Variants in CUBN observed in about 807,000 individuals in gnomAD.
The protein encoded by CUBN is cubilin.
CUBN carries 282 observed loss-of-function variants against 405.3 expected under a neutral mutation model. The observed-to-expected ratio is 0.70, with a 90% CI of 0.63 to 0.77. The LOEUF is 0.77. CUBN is among the 30% of genes least tolerant of loss of function. The pLI, the probability that CUBN is intolerant of heterozygous loss-of-function variation, is 0.00. For synonymous variants in CUBN, 1,684 were observed against 1,617.0 expected (o/e 1.04, Z -0.99); for missense variants, 4,514 against 4,475.2 (o/e 1.01, Z -0.25).
chr10:16,883,137 T>C (rs998928221), intron 56 of CUBN, among the ~76,000 whole-genome samples: 2 of 152,110 alleles, frequency 1.3e-5, no homozygotes, highest in Non-Finnish European at 2.9e-5. Flanking sequence ...CAGAGGCACA[T>C]GAATTACCAG....
intron 28 of CUBN, among the ~76,000 whole-genome samples, chr10:16,994,776 T>C (rs1588561381): frequency 6.6e-6 from 1 of 152,110 alleles, no homozygotes; most frequent in Admixed American, 6.6e-5. Context: ...CAAAAGAAGA[T>C]AAAAGAAGAT....
intron 36 of CUBN, among the ~76,000 whole-genome samples, chr10:16,945,500 G>A (rs1020321413): frequency 2.0e-5 from 3 of 152,114 alleles, no homozygotes; most frequent in African/African-American, 7.2e-5. Flanking sequence ...AGGCACGGTG[G>A]CTCATGCCTG....
At chr10:17,019,498 C>T (rs895459068) in intron 28 of CUBN, among the ~76,000 whole-genome samples, 1 of 152,128 alleles carries the variant, frequency 6.6e-6, no homozygotes, top group Non-Finnish European at 1.5e-5. Context: ...TGAGATACTC[C>T]CACCCCAACT....
intron 32 of CUBN, among the ~76,000 whole-genome samples, chr10:16,953,067 A>G (rs772126006): frequency 3.3e-5 from 5 of 152,166 alleles, no homozygotes; most frequent in Non-Finnish European, 1.5e-5. Flanking sequence ...TAACATCTGC[A>G]GGAGCTTGAG....
chr10:17,036,413 G>A (rs1422588325), intron 27 of CUBN, among the ~76,000 whole-genome samples: 1 of 152,316 alleles, frequency 6.6e-6, no homozygotes, highest in East Asian at 1.9e-4. Flanking sequence ...TGGGAGTGGA[G>A]AATCTGCCTC....
intron 36 of CUBN, among the ~76,000 whole-genome samples, chr10:16,940,566 G>A (rs985438610): frequency 2.6e-5 from 4 of 152,240 alleles, no homozygotes; most frequent in African/African-American, 9.6e-5. Flanking sequence ...TTGCAAAGCA[G>A]AGGCATCATA....
At chr10:16,828,673 G>T (rs1221269934) in intron 66 of CUBN, 132 bp downstream of exon 66, 7 of 732,430 alleles carry the variant, frequency 9.6e-6, no homozygotes, top group African/African-American at 8.8e-5. Flanking sequence ...AGTTGAGATT[G>T]CGCGCACCAC....
At position 16,937,513 on chromosome 10, in the gene CUBN, CCT is replaced by C. The variant is rs1271078348; in HGVS notation, c.5926+77_5926+78del. The C allele has an allele frequency of 6.6e-6, 8 of 1,210,718 alleles. No homozygotes were observed. In the Admixed American group the frequency reaches 1.1e-4, roughly 17 times the overall value. 75.0% of individuals were successfully genotyped at this position (1,210,718 alleles called of 1,614,324 possible). On this transcript the variant is annotated intron_variant, in intron 39 of 66. Coordinates refer to ENST00000377833, the MANE Select transcript of CUBN (RefSeq NM_001081.4). ...GCTGTACTTATTTTTATATCTGACC[CCT>C]GTTATGATAGGATCCTTTGAAACAT... is the stretch of plus-strand genomic sequence containing the variant.
intron 28 of CUBN, among the ~76,000 whole-genome samples, chr10:17,009,036 G>A (rs1217583344): frequency 1.3e-5 from 2 of 152,162 alleles, no homozygotes; most frequent in East Asian, 3.9e-4. Context: ...CCCCTTCTCA[G>A]GTTATCTCAA....
In CUBN at chr10:16,831,420, T is replaced by C. The variant is rs765943248; in HGVS notation, c.10363-3A>G. ...TTGCTGTTACTTCCATTTCTCACCT[T>C]TAGGAAGGAGTCATTCATTATTAAA... On this transcript the variant is annotated splice_region_variant and splice_polypyrimidine_tract_variant and intron_variant, in intron 64 of 66. Transcript: ENST00000377833. 55 of 1,612,714 alleles carry C rather than the reference T, an allele frequency of 3.4e-5. No homozygotes were observed. The highest frequency in any genetic ancestry group is 1.7e-4 in the Middle Eastern group (1 of 6,060).
At position 17,007,480 on chromosome 10, in the gene CUBN, G is replaced by A. The variant is rs551538806; in HGVS notation, c.4168+12353C>T. ...ACAAAGAAGCATATTTTGTAAATGC[G>A]TTTGTGTATGAACTGGGGAAATGAA... On this transcript the variant is annotated intron_variant, in intron 28 of 66. Transcript: ENST00000377833. Among the ~76,000 whole-genome samples the A allele has an allele frequency of 2.0e-5, 3 of 152,326 alleles. No homozygotes were observed. The South Asian group carries it at 6.2e-4, about 32-fold the overall frequency.
Position 17,113,545 on chromosome 10 carries a change from C to A in CUBN, c.883+482G>T, listed in dbSNP as rs567907987. On this transcript the variant is annotated intron_variant, in intron 8 of 66. Transcript: ENST00000377833. ...ATGTTTTCCATGACTCAACATATGG[C>A]ATCCCTGGAGATTCAGTTGCTGCAG... Among the ~76,000 whole-genome samples, 3 of 152,292 alleles carry A rather than the reference C, an allele frequency of 2.0e-5. No individual in the cohort carries two copies. The South Asian group carries it at 6.2e-4, about 32-fold the overall frequency.
In CUBN at chr10:17,053,609, AT is replaced by A. The variant is rs560836079; in HGVS notation, c.3140-6007del. Among the ~76,000 whole-genome samples, 106 of 152,266 alleles carry A rather than the reference AT, an allele frequency of 7.0e-4. 1 individual carries two copies. The highest frequency in any genetic ancestry group is 2.5e-3 in the African/African-American group (102 of 41,572). ...GAAAAGGCAAAAATTAAAGAAAAAA[AT>A]AAAACCATGATTAGAGTTGAAGATT... On this transcript the variant is annotated intron_variant, in intron 22 of 66. Transcript: ENST00000377833.
In CUBN at chr10:17,028,226, TTTATTATTATTA is replaced by T. The variant is rs57633202; in HGVS notation, c.4018-8255_4018-8244del. Reference sequence around the variant, plus strand: ...TCCTGCTACAGTAAAACACTAAACATTTATTATTATTATTATTATTATTATTATTATTATTAT... The same window carrying T: ...TCCTGCTACAGTAAAACACTAAACATTTATTATTATTATTATTATTATTAT... On this transcript the variant is annotated intron_variant, in intron 27 of 66. Coordinates refer to ENST00000377833, the MANE Select transcript of CUBN (RefSeq NM_001081.4). Among the ~76,000 whole-genome samples the T allele has an allele frequency of 1.9e-3, 269 of 144,174 alleles. 2 individuals are homozygous for T. Among genetic ancestry groups the T allele is most frequent in the African/African-American group, 5.9e-3 (235 of 39,512 alleles). The allele number at this position is 144,174 out of a possible 152,430, so 94.6% of individuals were successfully genotyped here. A position where few individuals can be genotyped will look rare whatever the true frequency, so the allele number is the denominator to read the frequency against.
rs114741453 is a variant in CUBN, at chr10:17,059,253, T to C, written c.3139+6255A>G. ...TCACTAAACATTTTCAAATAAGTTT[T>C]TGTAACACAGGACTTGGCTCATTAT... On this transcript the variant is annotated intron_variant, in intron 22 of 66. Transcript: ENST00000377833. Among the ~76,000 whole-genome samples the C allele has an allele frequency of 4.1e-3, 623 of 152,242 alleles. 5 individuals are homozygous for C. Among genetic ancestry groups the C allele is most frequent in the African/African-American group, 0.014 (597 of 41,556 alleles).
rs931263200 is a variant in CUBN at position 16,996,028 on chromosome 10, G to A, written c.4169-5513C>T. Among the ~76,000 whole-genome samples, 6 of 152,116 alleles carry A rather than the reference G, an allele frequency of 3.9e-5. No homozygotes were observed. In the South Asian group the frequency reaches 1.2e-3, roughly 32 times the overall value. ...TGTGACACCCACCCTCCCCGATCCT[G>A]ACCTCCACTTCTGTGTTCTCTCTCC... On this transcript the variant is annotated intron_variant, in intron 28 of 66. Transcript: ENST00000377833.
At chr10:16,889,938 A>AAAAAAAAAAAAAAAAAAAAAACAAAC (rs1554788545) in intron 55 of CUBN, among the ~76,000 whole-genome samples, 7 of 129,524 alleles carry the variant, frequency 5.4e-5, no homozygotes, top group African/African-American at 2.1e-4. Context: ...GCCGTGTCAA[A>AAAAAAAAAAAAAAAAAAAAAACAAAC]AAAAAAAAAA....
Position 17,041,049 on chromosome 10 carries a change from G to A in CUBN, c.4001C>T (p.Ser1334Phe). ...AATACATACCTCTAAATAATCTGTG[G>A]AGCAGTTTATGTGATGTTCCAAGTC... is the stretch of plus-strand genomic sequence containing the variant. ...AFDLEHHINC[S>F]TDYLELYDGP... The change falls in exon 27 of 67, where the codon TCC becomes TTC. Residue 1334 changes from serine (S) to phenylalanine (F), a missense_variant. Ser to Phe is a radical substitution (Grantham distance 155). Around this residue, in one of 5 missense-constraint regions of CUBN, gnomAD observed 242 missense variants for 309.0 expected, o/e 0.78. Coordinates refer to ENST00000377833, the MANE Select transcript of CUBN (RefSeq NM_001081.4). The A allele has an allele frequency of 6.2e-6, 10 of 1,613,446 alleles. No homozygotes were observed. Among genetic ancestry groups the A allele is most frequent in the Non-Finnish European group, 8.5e-6 (10 of 1,179,458 alleles).
chr10:16,842,292 A>C (rs1839377896), intron 60 of CUBN, among the ~76,000 whole-genome samples: 2 of 152,284 alleles, frequency 1.3e-5, no homozygotes, highest in Admixed American at 1.3e-4. Context: ...CTCTCTGAAG[A>C]CAATACAAGT....
Sources: allele counts gnomAD v4.1 joint callset (sites outside exome capture counted in the v4.1 genomes callset), GRCh38; gene constraint gnomAD v4.1.1; regional missense constraint gnomAD v4.1.1; transcripts MANE v1.5; gene names NCBI Gene and HGNC (gene_info 2026-07-23, HGNC 2026-07-21).